WLS: variants seen among roughly 807,000 people sequenced by gnomAD.
The protein encoded by WLS is protein wntless homolog.
In WLS, 23 loss-of-function variants were observed where a neutral mutation model predicts 62.8. The ratio of observed to expected loss-of-function variants is 0.37; its 90% confidence interval spans 0.26 to 0.52. The LOEUF (loss-of-function observed/expected upper bound fraction) is 0.52, where lower values mean the gene tolerates loss of function less well. Ranked by LOEUF, WLS falls within the 20% of genes least tolerant of loss-of-function variation. WLS has a pLI of 0.92. For missense variants in WLS, 615 were observed against 697.3 expected (o/e 0.88, Z 1.33); for synonymous variants, 246 against 244.1 (o/e 1.01, Z -0.07).
chr1:68,230,173 GCT>G (rs1303142395), intron 1 of WLS, among the ~76,000 whole-genome samples: 2 of 152,040 alleles, frequency 1.3e-5, no homozygotes, highest in Admixed American at 1.3e-4. Context: ...TGGATAATGG[GCT>G]CTGTCTGCAA....
At chr1:68,151,588 T>C (rs544981876) in intron 5 of WLS, among the ~76,000 whole-genome samples, 80 of 151,710 alleles carry the variant, frequency 5.3e-4, no homozygotes, top group African/African-American at 1.9e-3. Flanking sequence ...AGATAATAAA[T>C]GAAGAATGAG....
intron 1 of WLS, chr1:68,202,650 G>C (rs1245574693): frequency 2.0e-5 from 3 of 152,254 alleles, no homozygotes; most frequent in East Asian, 3.8e-4. Context: ...TCTGGGCTAA[G>C]TTTTGACTTT....
chr1:68,153,019 C>G (rs897532471), intron 5 of WLS, among the ~76,000 whole-genome samples: 8 of 152,318 alleles, frequency 5.3e-5, no homozygotes, highest in Admixed American at 5.2e-4. Context: ...TGGCTCACAC[C>G]TGTAATCCCA....
intron 11 of WLS, among the ~76,000 whole-genome samples, chr1:68,110,435 TAA>T (rs1380262340): frequency 8.1e-5 from 12 of 148,528 alleles, no homozygotes; most frequent in Non-Finnish European, 1.6e-4. Flanking sequence ...GCAAAGAAAA[TAA>T]AAGTCTCAAT....
chr1:68,174,724 C>G (rs1448674975), intron 2 of WLS, among the ~76,000 whole-genome samples: 2 of 152,190 alleles, frequency 1.3e-5, no homozygotes, highest in Non-Finnish European at 2.9e-5. Flanking sequence ...CACGCTAGCA[C>G]TGTTGCGTTG....
intron 2 of WLS, among the ~76,000 whole-genome samples, chr1:68,186,317 C>T (rs762971592): frequency 1.1e-4 from 17 of 152,066 alleles, no homozygotes; most frequent in Non-Finnish European, 2.1e-4. Flanking sequence ...CCCCAAGTGA[C>T]TAGAAGTCAT....
intron 10 of WLS, chr1:68,141,620 A>G (rs1646687527): frequency 6.6e-6 from 1 of 152,108 alleles, no homozygotes; most frequent in Non-Finnish European, 1.5e-5. Context: ...ATCCCCTCGC[A>G]TTATATTTCA....
At chr1:68,152,551 G>A (rs1048326083) in intron 5 of WLS, among the ~76,000 whole-genome samples, 4 of 152,104 alleles carry the variant, frequency 2.6e-5, no homozygotes, top group Admixed American at 6.5e-5. Flanking sequence ...AAAAAGTGAG[G>A]AACAAAAAAT....
chr1:68,162,827 T>C, intron 2 of WLS: 2 of 1,282,290 alleles, frequency 1.6e-6, no homozygotes, highest in Non-Finnish European at 2.3e-6. Flanking sequence ...AGGTCCTCCC[T>C]GGTGAGGATG....
At chr1:68,159,435 C>T (rs534125029) in intron 2 of WLS, among the ~76,000 whole-genome samples, 188 bp from the exon 3 acceptor site, 4 of 152,122 alleles carry the variant, frequency 2.6e-5, no homozygotes, top group Non-Finnish European at 5.9e-5. Context: ...TGCTGGGTCC[C>T]CTCTCATGTC....
chr1:68,119,303 TACTG>T (rs1289798991), intron 11 of WLS, among the ~76,000 whole-genome samples: 5 of 152,374 alleles, frequency 3.3e-5, no homozygotes, highest in Non-Finnish European at 4.4e-5. Flanking sequence ...TGTAAGAACA[TACTG>T]ACATTTTAAC....
chr1:68,192,582 C>CAA (rs113023360), intron 2 of WLS, among the ~76,000 whole-genome samples: 12 of 141,914 alleles, frequency 8.5e-5, no homozygotes, highest in East Asian at 4.1e-4. Context: ...GTCACACACA[C>CAA]AAAAAAAAAA....
exon 12 of WLS, chr1:68,098,679 C>G (rs138133925): frequency 1.4e-5 from 23 of 1,613,872 alleles, no homozygotes; most frequent in Admixed American, 1.2e-4. Flanking sequence ...TATTTCGAAG[C>G]GCTGAACAAT....
intron 1 of WLS, among the ~76,000 whole-genome samples, chr1:68,219,230 G>A (rs1649850953): frequency 1.3e-5 from 2 of 152,172 alleles, no homozygotes; most frequent in African/African-American, 4.8e-5. Flanking sequence ...TTATGGCCAA[G>A]TAGGGACCAA....
At chr1:68,110,879 T>C (rs1395827376) in intron 11 of WLS, among the ~76,000 whole-genome samples, 1 of 152,114 alleles carries the variant, frequency 6.6e-6, no homozygotes, top group Non-Finnish European at 1.5e-5. Context: ...TTCTCTTACA[T>C]ACAAAAATTA....
intron 5 of WLS, among the ~76,000 whole-genome samples, chr1:68,151,944 G>C (rs1430758): frequency 1.3e-5 from 2 of 152,054 alleles, no homozygotes; most frequent in African/African-American, 4.8e-5. Context: ...AAGGGGTTGC[G>C]AGGCTGTTCC....
chr1:68,145,781 T>C, intron 9 of WLS, 88 bp downstream of exon 9: 2 of 1,535,082 alleles, frequency 1.3e-6, no homozygotes, highest in Non-Finnish European at 1.8e-6. Flanking sequence ...AAGTAAAGGC[T>C]TTCTATCTCC....
downstream of WLS, among the ~76,000 whole-genome samples, chr1:68,122,399 G>A (rs1646374438): frequency 6.6e-6 from 1 of 152,128 alleles, no homozygotes; most frequent in Non-Finnish European, 1.5e-5. Flanking sequence ...ACCACCCTTG[G>A]GCAGTCACAC....
intron 10 of WLS, among the ~76,000 whole-genome samples, chr1:68,144,307 A>C (rs1557473076): frequency 6.6e-6 from 1 of 152,252 alleles, no homozygotes. Context: ...TTTTCTCATA[A>C]GTAAATAAAA....
Sources: gnomAD v4.1 joint callset for allele counts (sites outside exome capture counted in the v4.1 genomes callset) on GRCh38, gnomAD v4.1.1 for gene constraint, MANE v1.5 for transcripts, NCBI Gene and HGNC (gene_info 2026-07-23, HGNC 2026-07-21) for gene names.